Variants in TNRC6B observed in about 807,000 individuals in gnomAD.
The protein encoded by TNRC6B is trinucleotide repeat containing adaptor 6B.
A neutral mutation model predicts 203.6 loss-of-function variants in TNRC6B; 52 were observed. That is an observed-to-expected ratio of 0.26 (90% CI 0.20 to 0.32). TNRC6B has a LOEUF of 0.32. Ranked by LOEUF, TNRC6B falls within the 10% of genes least tolerant of loss-of-function variation. TNRC6B has a pLI of 1.00. For missense variants in TNRC6B, 1,923 were observed against 2,286.2 expected (o/e 0.84, Z 3.24); for synonymous variants, 838 against 845.7 (o/e 0.99, Z 0.16).
rs1349039399 is a variant in TNRC6B at position 40,323,190 on chromosome 22, T to C, written c.5451T>C (p.Pro1817=). The C allele has an allele frequency of 1.9e-6, 3 of 1,613,650 alleles. No homozygotes were observed. In the South Asian group the frequency reaches 3.3e-5, roughly 18 times the overall value. The change falls in exon 23 of 23, where the codon CCT becomes CCC. Residue 1817 remains proline, a synonymous_variant. Coordinates refer to ENST00000454349, the MANE Select transcript of TNRC6B (RefSeq NM_001162501.2). ...TVEDPHRMGS[P]APLLPGDLLG... ...AAGATCCCCATAGGATGGGCAGCCC[T>C]GCTCCTTTACTACCTGGTGACCTTC...
chr22:40,177,435 C>G (rs1006370691), upstream of TNRC6B, among the ~76,000 whole-genome samples: 1 of 152,150 alleles, frequency 6.6e-6, no homozygotes, highest in African/African-American at 2.4e-5. Context: ...TCAGTTTATA[C>G]TTTTGTGCGT....
chr22:40,247,065 T>A (rs2070117298), intron 2 of TNRC6B, among the ~76,000 whole-genome samples: 1 of 152,186 alleles, frequency 6.6e-6, no homozygotes, highest in Non-Finnish European at 1.5e-5. Flanking sequence ...CCTCAGAGCA[T>A]GCCCCTCTGC....
chr22:40,322,805 T>G (rs1484101669), intron 22 of TNRC6B, 49 bp from the exon 23 acceptor site: 1 of 1,609,984 alleles, frequency 6.2e-7, no homozygotes, highest in African/African-American at 1.3e-5. Context: ...CTCCGTATGC[T>G]TTAGGATTTT....
intron 1 of TNRC6B, among the ~76,000 whole-genome samples, chr22:40,224,152 G>A (rs1042379934): frequency 6.6e-6 from 1 of 152,050 alleles, no homozygotes; most frequent in South Asian, 2.1e-4. Context: ...CTACAGGCAT[G>A]AGCCACCATG....
intron 1 of TNRC6B, among the ~76,000 whole-genome samples, chr22:40,105,940 C>A (rs1253951254): frequency 6.6e-6 from 1 of 152,188 alleles, no homozygotes; most frequent in African/African-American, 2.4e-5. Context: ...AACACTTAAT[C>A]ATATCAGACT....
chr22:40,304,397 G>A (rs949974343), intron 15 of TNRC6B, among the ~76,000 whole-genome samples: 2 of 152,198 alleles, frequency 1.3e-5, no homozygotes, highest in Admixed American at 6.5e-5. Context: ...AAGGTGAAGA[G>A]TGAGAGGGAG....
intron 1 of TNRC6B, among the ~76,000 whole-genome samples, chr22:40,048,683 A>G (rs886940993): frequency 4.6e-5 from 7 of 151,982 alleles, no homozygotes; most frequent in African/African-American, 1.7e-4. Context: ...TTGACTTTTT[A>G]TGTGTGTTTA....
intron 1 of TNRC6B, among the ~76,000 whole-genome samples, chr22:40,236,559 G>A (rs1256083019): frequency 2.6e-5 from 4 of 152,138 alleles, no homozygotes; most frequent in Non-Finnish European, 2.9e-5. Flanking sequence ...AACTAGGACC[G>A]AAGGTGCTGC....
intron 1 of TNRC6B, among the ~76,000 whole-genome samples, chr22:40,115,785 G>A (rs1220606458): frequency 6.6e-6 from 1 of 152,180 alleles, no homozygotes; most frequent in Admixed American, 6.5e-5. Flanking sequence ...TGTGTTGTGA[G>A]TAAGGAAACT....
chr22:40,099,018 G>T (rs1040912187), intron 1 of TNRC6B, among the ~76,000 whole-genome samples: 1 of 152,098 alleles, frequency 6.6e-6, no homozygotes, highest in Non-Finnish European at 1.5e-5. Flanking sequence ...TTGGGAGGCC[G>T]AGGCGGATGG....
intron 3 of TNRC6B, among the ~76,000 whole-genome samples, chr22:40,140,491 G>A (rs1162410874): frequency 2.0e-5 from 3 of 152,092 alleles, no homozygotes; most frequent in Non-Finnish European, 4.4e-5. Flanking sequence ...TATTGAAGAT[G>A]GAAGAACAAA....
chr22:40,270,116 T>A lies in TNRC6B; in HGVS notation c.2807-6T>A. 6.3e-7 allele frequency: 1 copy of A among 1,579,190 alleles called. No individual in the cohort carries two copies. The highest frequency in any genetic ancestry group is 8.6e-7 in the Non-Finnish European group (1 of 1,161,522). On this transcript the variant is annotated splice_polypyrimidine_tract_variant and splice_region_variant and intron_variant, in intron 5 of 22. Coordinates refer to ENST00000454349, the MANE Select transcript of TNRC6B (RefSeq NM_001162501.2). ...TGATTCTTAGAGACATTTCCTTTCT[T>A]TATAGTCTGGAGCAAAAGCACACCA...
chr22:40,176,273 C>T (rs1467225822), upstream of TNRC6B, among the ~76,000 whole-genome samples: 1 of 152,048 alleles, frequency 6.6e-6, no homozygotes. Context: ...GGATTACAGG[C>T]ATGTGCCACC....
intron 8 of TNRC6B, 63 bp from the exon 9 acceptor site, chr22:40,277,936 G>C: frequency 7.7e-7 from 1 of 1,297,086 alleles, no homozygotes; most frequent in Non-Finnish European, 1.1e-6. Context: ...GGTGAATAAT[G>C]CCACTTCTTT....
intron 12 of TNRC6B, among the ~76,000 whole-genome samples, chr22:40,297,969 CA>C (rs906610045): frequency 1.3e-5 from 2 of 149,688 alleles, no homozygotes; most frequent in East Asian, 3.9e-4. Flanking sequence ...AAAAAAAATA[CA>C]AAAAATTAGC....
intron 1 of TNRC6B, among the ~76,000 whole-genome samples, chr22:40,078,295 G>A (rs2068036217): frequency 6.6e-6 from 1 of 152,190 alleles, no homozygotes; most frequent in Non-Finnish European, 1.5e-5. Flanking sequence ...TGAGAGGTGG[G>A]AAGATTGCTT....
At chr22:40,078,451 G>A (rs1249127288) in intron 1 of TNRC6B, among the ~76,000 whole-genome samples, 1 of 152,104 alleles carries the variant, frequency 6.6e-6, no homozygotes, top group Admixed American at 6.5e-5. Context: ...TTGAGCCCAG[G>A]AAGTCAAGGT....
chr22:40,175,930 T>C (rs529830998), upstream of TNRC6B, among the ~76,000 whole-genome samples: 1 of 152,316 alleles, frequency 6.6e-6, no homozygotes, highest in African/African-American at 2.4e-5. Context: ...GAAGCCAGGA[T>C]GACAACAAGT....
chr22:40,286,211 C>T (rs2070778367), intron 12 of TNRC6B, among the ~76,000 whole-genome samples: 1 of 152,182 alleles, frequency 6.6e-6, no homozygotes, highest in Non-Finnish European at 1.5e-5. Flanking sequence ...GTGGCTCATG[C>T]CTGTAATCCC....
Sources: allele counts gnomAD v4.1 joint callset (sites outside exome capture counted in the v4.1 genomes callset), GRCh38; gene constraint gnomAD v4.1.1; transcripts MANE v1.5; gene names NCBI Gene and HGNC (gene_info 2026-07-23, HGNC 2026-07-21).